ENOSF1: variants seen among roughly 807,000 people sequenced by gnomAD.
The protein encoded by ENOSF1 is mitochondrial enolase superfamily member 1.
ENOSF1 carries 73 observed loss-of-function variants against 68.2 expected under a neutral mutation model. The observed-to-expected ratio is 1.07, with a 90% CI of 0.89 to 1.30. The LOEUF (loss-of-function observed/expected upper bound fraction) is 1.30. ENOSF1 is among the 50% of genes most tolerant of loss of function. ENOSF1 has a pLI of 0.00. For synonymous variants in ENOSF1, 223 were observed against 210.4 expected (o/e 1.06, Z -0.52); for missense variants, 589 against 554.5 (o/e 1.06, Z -0.62).
chr18:667,849 T>C (rs2074887975), downstream of ENOSF1: 2 of 152,150 alleles, frequency 1.3e-5, no homozygotes, highest in Non-Finnish European at 2.9e-5. Context: ...AAATCCTGCC[T>C]AGTATTCAAT....
intron 8 of ENOSF1, among the ~76,000 whole-genome samples, chr18:689,750 G>A (rs1301985224): frequency 6.7e-6 from 1 of 149,648 alleles, no homozygotes; most frequent in Non-Finnish European, 1.5e-5. Flanking sequence ...GGCATCTCCT[G>A]AGTGATAGGA....
chr18:672,797 A>G lies in ENOSF1; in HGVS notation c.*1508T>C. 2.7e-6 allele frequency: 4 copies of G among 1,499,556 alleles called. No homozygotes were observed. Among genetic ancestry groups the G allele is most frequent in the Middle Eastern group, 1.8e-4 (1 of 5,576 alleles). 92.9% of individuals were successfully genotyped at this position (1,499,556 alleles called of 1,614,324 possible). A position where few individuals can be genotyped will look rare whatever the true frequency, so the allele number is the denominator to read the frequency against. On this transcript the variant is annotated 3_prime_UTR_variant, in exon 16 of 16. Transcript: ENST00000647584. Reference sequence around the variant, plus strand: ...CATCCTGTGTACTTGTTTCACGGACATGAGGAGCAATTACAACAGGTCGTA... The same window carrying G: ...CATCCTGTGTACTTGTTTCACGGACGTGAGGAGCAATTACAACAGGTCGTA...
In ENOSF1 at chr18:672,595, G is replaced by A. The variant is rs571484137; in HGVS notation, c.*1710C>T. 2 of 290,292 alleles carry A rather than the reference G, an allele frequency of 6.9e-6. No individual in the cohort carries two copies. Among genetic ancestry groups the A allele is most frequent in the Admixed American group, 4.5e-5 (1 of 22,018 alleles). 18.0% of individuals were successfully genotyped at this position (290,292 alleles called of 1,614,324 possible). A position where few individuals can be genotyped will look rare whatever the true frequency, so the allele number is the denominator to read the frequency against. Reference sequence around the variant, plus strand: ...GTCTTTAATAAATTTGCCAAGAGTGGTTATAAGAACTTACACCTGATGAGG... The same window carrying A: ...GTCTTTAATAAATTTGCCAAGAGTGATTATAAGAACTTACACCTGATGAGG... On this transcript the variant is annotated 3_prime_UTR_variant, in exon 16 of 16. Coordinates refer to ENST00000647584, the MANE Select transcript of ENOSF1 (RefSeq NM_017512.7).
chr18:703,266 C>G (rs1486752619), intron 2 of ENOSF1, among the ~76,000 whole-genome samples: 1 of 152,114 alleles, frequency 6.6e-6, no homozygotes, highest in African/African-American at 2.4e-5. Flanking sequence ...AAACACTGAG[C>G]TCAGCACCCA....
chr18:689,769 T>C (rs2076965691), intron 8 of ENOSF1, among the ~76,000 whole-genome samples: 1 of 151,748 alleles, frequency 6.6e-6, no homozygotes, highest in South Asian at 2.1e-4. Flanking sequence ...GAGTGTCTTT[T>C]GTACGTGAAC....
chr18:677,690 T>G lies in ENOSF1; in HGVS notation c.1048+53A>C. 2 of 1,575,428 alleles carry G rather than the reference T, an allele frequency of 1.3e-6. 1 individual carries two copies. On this transcript the variant is annotated intron_variant, in intron 13 of 15. Coordinates refer to ENST00000647584, the MANE Select transcript of ENOSF1 (RefSeq NM_017512.7). Reference sequence around the variant, plus strand: ...GAATTGCAAACCATCAAGGGAGGTGTCTGATTAGTGGGGAAATGAAGGTCT... The same window carrying G: ...GAATTGCAAACCATCAAGGGAGGTGGCTGATTAGTGGGGAAATGAAGGTCT...
chr18:710,854 G>C (rs568873415), intron 1 of ENOSF1, among the ~76,000 whole-genome samples: 2 of 152,360 alleles, frequency 1.3e-5, no homozygotes, highest in Admixed American at 6.5e-5. Context: ...ATGAGATCGA[G>C]TGTTTGGATT....
At chr18:688,387 A>G in intron 9 of ENOSF1, 187 bp downstream of exon 9, 1 of 613,556 alleles carries the variant, frequency 1.6e-6, no homozygotes, top group South Asian at 2.0e-5. Context: ...AATTCTAATG[A>G]GGACTCACAT....
chr18:686,065 T>C, intron 9 of ENOSF1, 57 bp from the exon 10 acceptor site: 2 of 1,225,968 alleles, frequency 1.6e-6, no homozygotes, highest in Non-Finnish European at 2.4e-6. Context: ...GGCAAGGGCA[T>C]CTGGAGTTTC....
downstream of ENOSF1, among the ~76,000 whole-genome samples, chr18:669,694 C>T (rs1301692380): frequency 6.6e-6 from 1 of 151,964 alleles, no homozygotes; most frequent in African/African-American, 2.4e-5. Context: ...TTTTAAATTG[C>T]CTAGAAACTA....
At chr18:702,613 G>T (rs2078480116) in intron 2 of ENOSF1, among the ~76,000 whole-genome samples, 1 of 151,914 alleles carries the variant, frequency 6.6e-6, no homozygotes, top group African/African-American at 2.4e-5. Context: ...GGTGGCTTGT[G>T]CCTGTGGGCC....
chr18:668,294 T>G (rs1259889710), downstream of ENOSF1, among the ~76,000 whole-genome samples: 1 of 152,154 alleles, frequency 6.6e-6, no homozygotes, highest in Non-Finnish European at 1.5e-5. Flanking sequence ...CCTCCCAAAA[T>G]TTTGAGAACT....
At chr18:686,130 T>C (rs1416382395) in intron 9 of ENOSF1, 122 bp from the exon 10 acceptor site, 1 of 730,658 alleles carries the variant, frequency 1.4e-6, no homozygotes, top group Non-Finnish European at 2.5e-6. Flanking sequence ...TAGTAACCTC[T>C]TGCTCTTTCC....
intron 5 of ENOSF1, chr18:693,491 A>G (rs2077410127): frequency 2.0e-6 from 2 of 985,066 alleles, no homozygotes; most frequent in African/African-American, 1.7e-5. Flanking sequence ...ATATCTTCAT[A>G]ATATTATAAC....
intron 5 of ENOSF1, 171 bp from the exon 6 acceptor site, chr18:691,447 G>A (rs954024264): frequency 2.6e-5 from 15 of 582,600 alleles, no homozygotes; most frequent in African/African-American, 1.3e-4. Flanking sequence ...CCTGGCTTAT[G>A]TGATCCTCCT....
At chr18:705,840 C>T (rs1372310925) in intron 2 of ENOSF1, among the ~76,000 whole-genome samples, 2 of 151,884 alleles carry the variant, frequency 1.3e-5, no homozygotes, top group Non-Finnish European at 1.5e-5. Flanking sequence ...GAAACCCTGT[C>T]TCTACTAAAA....
At chr18:701,170 C>A (rs979562076) in intron 2 of ENOSF1, among the ~76,000 whole-genome samples, 8 of 152,044 alleles carry the variant, frequency 5.3e-5, no homozygotes, top group African/African-American at 1.9e-4. Flanking sequence ...TTTAAAAATT[C>A]TTTCTTTGTA....
intron 8 of ENOSF1, among the ~76,000 whole-genome samples, chr18:689,855 G>A (rs1197589361): frequency 1.3e-5 from 2 of 150,750 alleles, no homozygotes; most frequent in Non-Finnish European, 2.9e-5. Flanking sequence ...AGGCATGATT[G>A]TGGGGTTGGA....
At chr18:707,109 G>A (rs931108280) in intron 1 of ENOSF1, among the ~76,000 whole-genome samples, 5 of 151,902 alleles carry the variant, frequency 3.3e-5, no homozygotes, top group Admixed American at 6.6e-5. Flanking sequence ...GTGAGCCACC[G>A]CACCTGGTCG....
Sources: allele counts gnomAD v4.1 joint callset (sites outside exome capture counted in the v4.1 genomes callset), GRCh38; gene constraint gnomAD v4.1.1; transcripts MANE v1.5; gene names NCBI Gene and HGNC (gene_info 2026-07-23, HGNC 2026-07-21).